The following SLC18B1 variants were observed in gnomAD, a reference collection of about 807,000 sequenced individuals.
SLC18B1 encodes MFS-type transporter SLC18B1.
SLC18B1 carries 62 observed loss-of-function variants against 53.9 expected under a neutral mutation model. The observed-to-expected ratio is 1.15, with a 90% confidence interval of 0.94 to 1.42. The LOEUF is 1.42. Ranked by LOEUF, SLC18B1 falls within the 40% of genes most tolerant of loss-of-function variation. The probability of loss-of-function intolerance (pLI) is 0.00; values close to 1 mark genes in which losing one functional copy is unlikely to be tolerated. For synonymous variants in SLC18B1, 217 were observed against 200.9 expected (o/e 1.08, Z -0.68); for missense variants, 598 against 547.3 (o/e 1.09, Z -0.93).
chr6:132,783,951 ACATATTGAGTGGTACCAT>A lies in SLC18B1; in HGVS notation c.622_639del (p.Met208_Met213del). 6.3e-7 allele frequency: 1 copy of A among 1,597,434 alleles called. No individual in the cohort carries two copies. The highest frequency in any genetic ancestry group is 1.8e-5 in the Admixed American group (1 of 56,702). On this transcript the variant is annotated inframe_deletion, in exon 6 of 14. Coordinates refer to ENST00000275227, the MANE Select transcript of SLC18B1 (RefSeq NM_052831.3). The stretch of plus-strand genomic sequence containing the variant: ...GACTTACCGTAATTGGGTAAAATAT[ACATATTGAGTGGTACCAT>A]CAGCAAAACGACGCATCCCAGAACA...
At chr6:132,782,272 T>C (rs1034553051) in intron 6 of SLC18B1, among the ~76,000 whole-genome samples, 2 of 151,588 alleles carry the variant, frequency 1.3e-5, no homozygotes, top group South Asian at 2.1e-4. Context: ...GAATTTTTTA[T>C]TTAAAAAATA....
In SLC18B1 at chr6:132,770,891, T is replaced by C. The variant is rs181766051; in HGVS notation, c.1303A>G (p.Arg435Gly). Residue 435 changes from arginine to glycine, a missense_variant and splice_region_variant, in exon 13 of 14, where the codon AGG becomes GGG. Arg to Gly is a moderately radical substitution (Grantham distance 125, BLOSUM62 -2). Coordinates refer to ENST00000275227, the MANE Select transcript of SLC18B1 (RefSeq NM_052831.3). Reference sequence around the variant, plus strand: ...AAAAAGCCCCAAAATTGACCATACCTTTTTCTCCTTGAATACTCCAGTAGA... The same window carrying C: ...AAAAAGCCCCAAAATTGACCATACCCTTTTCTCCTTGAATACTCCAGTAGA... Reference protein sequence around the residue: ...FYLLEYSRRKRSKSQNILSTE... With the variant: ...FYLLEYSRRKGSKSQNILSTE... 6.2e-7 allele frequency: 1 copy of C among 1,607,700 alleles called. No individual in the cohort carries two copies. The highest frequency in any genetic ancestry group is 2.2e-5 in the East Asian group (1 of 44,832).
At chr6:132,798,096 G>T (rs769510706) in intron 1 of SLC18B1, among the ~76,000 whole-genome samples, 5 of 152,172 alleles carry the variant, frequency 3.3e-5, no homozygotes, top group African/African-American at 1.2e-4. Context: ...AAAAAGAAAG[G>T]CAACAACAAT....
chr6:132,794,819 C>A (rs1254792064), intron 2 of SLC18B1, among the ~76,000 whole-genome samples: 3 of 152,108 alleles, frequency 2.0e-5, no homozygotes, highest in Admixed American at 6.5e-5. Context: ...GCCTGGGCAA[C>A]ATGGTGAAAC....
chr6:132,772,548 T>C (rs9389032), intron 10 of SLC18B1, among the ~76,000 whole-genome samples: 9,090 of 152,176 alleles, frequency 0.06, 311 homozygotes, highest in Middle Eastern at 0.075. Flanking sequence ...ACAGAGATAG[T>C]TCCTTATTCC....
rs1562271338 is a variant in SLC18B1, at chr6:132,792,268, AAAGAAAGAAAGAAAGG to A, written c.184-2012_184-1997del. Among the ~76,000 whole-genome samples, 69 of 50,186 alleles carry A rather than the reference AAAGAAAGAAAGAAAGG, an allele frequency of 1.4e-3. 6 individuals carry two copies. The highest frequency in any genetic ancestry group is 6.6e-3 in the African/African-American group (53 of 8,038). 32.9% of individuals were successfully genotyped at this position (50,186 alleles called of 152,430 possible). On this transcript the variant is annotated intron_variant, in intron 2 of 13. Coordinates refer to ENST00000275227, the MANE Select transcript of SLC18B1 (RefSeq NM_052831.3). ...GAAAGAAAGAAAGAAAGAAAGAAAG[AAAGAAAGAAAGAAAGG>A]AAGAAAGGAAGGAAGGAAGGAAGGA...
chr6:132,786,687 ACT>A (rs1435961832), intron 5 of SLC18B1, among the ~76,000 whole-genome samples: 1 of 151,996 alleles, frequency 6.6e-6, no homozygotes, highest in African/African-American at 2.4e-5. Flanking sequence ...AGCTGATTAG[ACT>A]CTGAAGTCTA....
At chr6:132,796,076 C>T (rs1243398791) in intron 2 of SLC18B1, among the ~76,000 whole-genome samples, 1 of 151,586 alleles carries the variant, frequency 6.6e-6, no homozygotes, top group Non-Finnish European at 1.5e-5. Flanking sequence ...CGGCCGGGCA[C>T]GGTGACTCAC....
At chr6:132,772,282 A>G (rs1037606084) in intron 10 of SLC18B1, 76 bp from the exon 11 acceptor site, 21 of 846,042 alleles carry the variant, frequency 2.5e-5, no homozygotes, top group Middle Eastern at 4.7e-4. Context: ...TGATAGATCA[A>G]TTAAGATAAA....
Position 132,771,064 on chromosome 6 carries a change from G to A in SLC18B1, c.1226C>T (p.Ala409Val), listed in dbSNP as rs1047602668. ...YEKIGFEWAA[A>V]IQGLWALISG... ...TATCAGAGCCCATAGACCTTGTATA[G>A]CTGCTGCCCATTCAAAACCAATTTT... Residue 409 changes from alanine to valine, a missense_variant, in exon 12 of 14, where the codon GCT (alanine) becomes GTT (valine). Ala to Val is a moderately conservative substitution (Grantham distance 64). Coordinates refer to ENST00000275227, the MANE Select transcript of SLC18B1 (RefSeq NM_052831.3). The A allele has an allele frequency of 5.0e-6, 8 of 1,613,976 alleles. No individual in the cohort carries two copies. The African/African-American group carries it at 6.7e-5, about 13-fold the overall frequency.
At chr6:132,774,678 G>A (rs1042762071) in intron 8 of SLC18B1, among the ~76,000 whole-genome samples, 2 of 152,152 alleles carry the variant, frequency 1.3e-5, no homozygotes, top group Non-Finnish European at 2.9e-5. Context: ...AGAGGCCGAG[G>A]TGGGAAGATC....
chr6:132,783,893 T>C (rs1375730232), intron 6 of SLC18B1, 40 bp downstream of exon 6: 4 of 1,406,320 alleles, frequency 2.8e-6, no homozygotes, highest in Non-Finnish European at 3.7e-6. Flanking sequence ...TATAAAAATA[T>C]ATTTAAGGTT....
At chr6:132,778,445 G>A (rs187428372) in intron 7 of SLC18B1, among the ~76,000 whole-genome samples, 2 of 152,148 alleles carry the variant, frequency 1.3e-5, no homozygotes, top group South Asian at 2.1e-4. Context: ...TCAAGGGGTA[G>A]TGTAAAATTA....
chr6:132,778,709 A>G (rs1781155564), intron 7 of SLC18B1, among the ~76,000 whole-genome samples: 1 of 152,188 alleles, frequency 6.6e-6, no homozygotes, highest in African/African-American at 2.4e-5. Context: ...GTCAGTAATA[A>G]TATTTTTTCA....
At position 132,772,034 on chromosome 6, in the gene SLC18B1, G is replaced by A. The variant is rs995997457; in HGVS notation, c.1160+98C>T. On this transcript the variant is annotated intron_variant, in intron 11 of 13. Coordinates refer to ENST00000275227, the MANE Select transcript of SLC18B1 (RefSeq NM_052831.3). Reference sequence around the variant, plus strand: ...TTGGACCTGGGAGGCGGAGGTTGCAGTGAGCCAAGATCGCACCATTGCACT... The same window carrying A: ...TTGGACCTGGGAGGCGGAGGTTGCAATGAGCCAAGATCGCACCATTGCACT... 14 of 802,544 alleles carry A rather than the reference G, an allele frequency of 1.7e-5. No homozygotes were observed. The African/African-American group carries it at 2.2e-4, about 13-fold the overall frequency. 49.7% of individuals were successfully genotyped at this position (802,544 alleles called of 1,614,324 possible).
At position 132,770,069 on chromosome 6, in the gene SLC18B1, C is replaced by T. The variant is rs971417047; in HGVS notation, c.*201G>A. The T allele has an allele frequency of 9.9e-6, 4 of 403,458 alleles. No homozygotes were observed. The highest frequency in any genetic ancestry group is 3.2e-4 in the Middle Eastern group (1 of 3,134). The allele number at this position is 403,458 out of a possible 1,614,324, so 25.0% of individuals were successfully genotyped here. A position where few individuals can be genotyped will look rare whatever the true frequency, so the allele number is the denominator to read the frequency against. ...TTCATACTTAATATTTCAAATATAGCTGCTTCAGCAGGACAGCTTTTCAGT... is the reference window on the plus strand; with the variant it reads ...TTCATACTTAATATTTCAAATATAGTTGCTTCAGCAGGACAGCTTTTCAGT... On this transcript the variant is annotated 3_prime_UTR_variant, in exon 14 of 14. Coordinates refer to ENST00000275227, the MANE Select transcript of SLC18B1 (RefSeq NM_052831.3).
chr6:132,789,941 T>C (rs914648773), intron 3 of SLC18B1, 104 bp from the exon 4 acceptor site: 6 of 765,380 alleles, frequency 7.8e-6, no homozygotes, highest in African/African-American at 7.0e-5. Flanking sequence ...GGGGAAGACA[T>C]GTACAGTTAA....
intron 2 of SLC18B1, among the ~76,000 whole-genome samples, chr6:132,792,839 C>T (rs1249451007): frequency 6.6e-6 from 1 of 152,130 alleles, no homozygotes; most frequent in Non-Finnish European, 1.5e-5. Context: ...AATTTCTAGG[C>T]CGGGCACAGT....
In SLC18B1 at chr6:132,797,049, G is replaced by T; in HGVS notation, c.116C>A (p.Ser39Ter). 4 of 1,614,116 alleles carry T rather than the reference G, an allele frequency of 2.5e-6. No homozygotes were observed. The highest frequency in any genetic ancestry group is 3.4e-6 in the Non-Finnish European group (4 of 1,180,012). ...LSREQVFVLI[S>*]AASVNLGSMM... is the part of the protein sequence containing the mutation. ...GGAACCTAAGTTCACCGAAGCTGCC[G>T]ATATCAGTACAAAAACCTGTTCTCT... The change falls in exon 2 of 14, where the codon TCG becomes TAG. Residue 39 changes from serine to a stop codon, truncating the protein, a stop_gained. Transcript: ENST00000275227. LOFTEE classifies it high-confidence loss of function.
Sources: gnomAD v4.1 joint callset for allele counts (sites outside exome capture counted in the v4.1 genomes callset) on GRCh38, gnomAD v4.1.1 for gene constraint, MANE v1.5 for transcripts, NCBI Gene and HGNC (gene_info 2026-07-23, HGNC 2026-07-21) for gene names.